Variants in OXNAD1 observed in about 807,000 individuals in gnomAD.
The protein encoded by OXNAD1 is oxidoreductase NAD-binding domain-containing protein 1.
In OXNAD1, 34 loss-of-function variants were observed where a neutral mutation model predicts 32.9. The ratio of observed to expected loss-of-function variants is 1.03; its 90% CI spans 0.79 to 1.38. The LOEUF (loss-of-function observed/expected upper bound fraction) is 1.38. OXNAD1 is among the 40% of genes most tolerant of loss of function. OXNAD1 has a pLI of 0.00. For missense variants in OXNAD1, 407 were observed against 379.4 expected (o/e 1.07, Z -0.60); for synonymous variants, 134 against 135.2 (o/e 0.99, Z 0.06).
chr3:16,329,482 C>T lies in OXNAD1; in HGVS notation c.*31-7630C>T, dbSNP rs921497962. On this transcript the variant is annotated intron_variant, in intron 9 of 9. Coordinates refer to the OXNAD1 transcript ENST00000435829. This position sits in a 1 kb window ranked among gnomAD's most constrained non-coding sequence, Gnocchi z 4.5. ...TGCCATTCTGGTCCCTTCCCTGAAGCCTCTATCAGGCCAGAGATGGCCCAG... is the reference window on the plus strand; with the variant it reads ...TGCCATTCTGGTCCCTTCCCTGAAGTCTCTATCAGGCCAGAGATGGCCCAG... Among the ~76,000 whole-genome samples, 2 of 152,152 alleles carry T rather than the reference C, an allele frequency of 1.3e-5. No homozygotes were observed. The highest frequency in any genetic ancestry group is 2.4e-5 in the African/African-American group (1 of 41,416).
chr3:16,313,667 G>A (rs1575189383), intron 9 of OXNAD1: 1 of 152,210 alleles, frequency 6.6e-6, no homozygotes, highest in Middle Eastern at 3.4e-3. Context: ...CACTTGAGGC[G>A]ATTGATGCTC....
At chr3:16,340,773 C>G (rs187303341), downstream of OXNAD1, among the ~76,000 whole-genome samples, 1 of 152,216 alleles carries the variant, frequency 6.6e-6, no homozygotes, top group East Asian at 1.9e-4. Context: ...TGAACAACAT[C>G]AAGAATTTTC....
Position 16,348,628 on chromosome 3 carries a change from G to T in OXNAD1, c.*31-548G>T, listed in dbSNP as rs1434291554. On this transcript the variant is annotated intron_variant, in intron 9 of 9. Transcript: ENST00000606098. This position sits in a 1 kb window ranked among gnomAD's most constrained non-coding sequence, Gnocchi z 6.3. The stretch of plus-strand genomic sequence containing the variant: ...TGTCTTCTTCCCGAGGCTCCTTGAT[G>T]TGTGGGGCCTCAGCAAATGCCCCTT... 6.6e-6 allele frequency among the ~76,000 whole-genome samples: 1 copy of T among 152,204 alleles called. No individual in the cohort carries two copies. Among genetic ancestry groups the T allele is most frequent in the African/African-American group, 2.4e-5 (1 of 41,460 alleles).
chr3:16,313,986 C>T (rs1159733530), intron 9 of OXNAD1, among the ~76,000 whole-genome samples: 1 of 152,160 alleles, frequency 6.6e-6, no homozygotes, highest in Non-Finnish European at 1.5e-5. Context: ...TGAGCCTCTG[C>T]AGGTGAAGTA....
At chr3:16,296,366 G>A (rs564606401) in intron 6 of OXNAD1, among the ~76,000 whole-genome samples, 14 of 152,220 alleles carry the variant, frequency 9.2e-5, no homozygotes, top group African/African-American at 3.4e-4. Context: ...TCATAGATTG[G>A]AAAACTCAAC....
chr3:16,288,365 G>A lies in OXNAD1; in HGVS notation c.290+1917G>A, dbSNP rs968936643. ...AGGGTTGCTGTTGGGCTTATCTTTG[G>A]GGTAAGAGATTGGGCCGTGATTCCA... On this transcript the variant is annotated intron_variant, in intron 5 of 8. Transcript: ENST00000285083. This position sits in a 1 kb window ranked among gnomAD's most constrained non-coding sequence, Gnocchi z 5.1. Among the ~76,000 whole-genome samples, 7 of 152,090 alleles carry A rather than the reference G, an allele frequency of 4.6e-5. No individual in the cohort carries two copies. The highest frequency in any genetic ancestry group is 3.3e-4 in the Admixed American group (5 of 15,268).
intron 9 of OXNAD1, among the ~76,000 whole-genome samples, chr3:16,343,617 G>A (rs1321117703): frequency 3.3e-5 from 5 of 152,194 alleles, no homozygotes; most frequent in Non-Finnish European, 7.3e-5. Flanking sequence ...AAGAAAACAG[G>A]GAGAAGTCCT....
At chr3:16,307,984 T>TCAGTTAGGGAAGTGGTAC (rs1456801740), downstream of OXNAD1, among the ~76,000 whole-genome samples, 2 of 152,138 alleles carry the variant, frequency 1.3e-5, no homozygotes, top group Non-Finnish European at 2.9e-5. Flanking sequence ...TCAGTGGGAC[T>TCAGTTAGGGAAGTGGTAC]CAGTTAGGGA....
intron 4 of OXNAD1, among the ~76,000 whole-genome samples, chr3:16,281,195 A>G (rs1229415860): frequency 6.6e-6 from 1 of 152,210 alleles, no homozygotes; most frequent in Non-Finnish European, 1.5e-5. Flanking sequence ...AGTATACAGC[A>G]TTTGTGTTAA....
exon 10 of OXNAD1, chr3:16,349,295 G>C (rs1400298848): frequency 6.6e-6 from 1 of 152,244 alleles, no homozygotes; most frequent in African/African-American, 2.4e-5. Context: ...AGGTGGACTT[G>C]TCACCCTAAG....
In OXNAD1 at chr3:16,277,781, A is replaced by G. The variant is rs2065455426; in HGVS notation, c.183+6059A>G. Among the ~76,000 whole-genome samples, 1 of 152,230 alleles carries G rather than the reference A, an allele frequency of 6.6e-6. No homozygotes were observed. Among genetic ancestry groups the G allele is most frequent in the Non-Finnish European group, 1.5e-5 (1 of 68,034 alleles). On this transcript the variant is annotated intron_variant, in intron 4 of 8. Coordinates refer to ENST00000285083, the MANE Select transcript of OXNAD1 (RefSeq NM_138381.5). The surrounding 1 kb of genome is among the most constrained non-coding windows in gnomAD (Gnocchi z 4.3). ...ACCATTTATGATGTTTATGCTTCTT[A>G]CTTGGGACTGTAACTGTAAGTAGTC...
downstream of OXNAD1, among the ~76,000 whole-genome samples, chr3:16,350,926 A>C (rs2072054214): frequency 6.6e-6 from 1 of 152,224 alleles, no homozygotes; most frequent in Admixed American, 6.5e-5. Flanking sequence ...TCTAGAAACC[A>C]TAGAAATTGA....
chr3:16,333,527 A>G (rs1259785807), intron 9 of OXNAD1, among the ~76,000 whole-genome samples: 3 of 152,214 alleles, frequency 2.0e-5, no homozygotes, highest in African/African-American at 4.8e-5. Flanking sequence ...TTCAGAAAAG[A>G]AATAGATGCC....
Position 16,303,466 on chromosome 3 carries a change from T to C in OXNAD1, c.843T>C (p.Tyr281=). 2.5e-6 allele frequency: 4 copies of C among 1,614,078 alleles called. No homozygotes were observed. Among genetic ancestry groups the C allele is most frequent in the Non-Finnish European group, 3.4e-6 (4 of 1,179,932 alleles). The change falls in exon 9 of 9, where the codon TAT becomes TAC. Residue 281 remains tyrosine (Y), a synonymous_variant. Transcript: ENST00000285083. This position sits in a 1 kb window ranked among gnomAD's most constrained non-coding sequence, Gnocchi z 4.8. ...ATATTTCAAAAGAGACTTTGTTCTA[T>C]ATTTGTGGCCCACCTCCAATGACAG... The part of the protein sequence containing the change: ...RDHISKETLF[Y]ICGPPPMTDF...
chr3:16,313,205 A>ATTTGTTTTTTTTTTTTT (rs2068093798), intron 9 of OXNAD1, among the ~76,000 whole-genome samples: 1 of 103,806 alleles, frequency 9.6e-6, no homozygotes, highest in African/African-American at 4.4e-5. Flanking sequence ...CACCCAGCGG[A>ATTTGTTTTTTTTTTTTT]TTTTTTTTTT....
At chr3:16,324,591 A>C (rs1294908511) in intron 9 of OXNAD1, among the ~76,000 whole-genome samples, 4 of 148,652 alleles carry the variant, frequency 2.7e-5, no homozygotes, top group Non-Finnish European at 5.9e-5. Flanking sequence ...TCATCCTTGT[A>C]ATAAATAACA....
Position 16,327,023 on chromosome 3 carries a change from T to C in OXNAD1, c.*31-10089T>C, listed in dbSNP as rs1245351206. 1.7e-6 allele frequency: 1 copy of C among 596,996 alleles called. No homozygotes were observed. Among genetic ancestry groups the C allele is most frequent in the East Asian group, 2.9e-5 (1 of 33,938 alleles). 37.0% of individuals were successfully genotyped at this position (596,996 alleles called of 1,614,324 possible). ...CAGAGGCTCCTGCTCCGATGCTTGC[T>C]GAAGACTTTAAAAGTTTGGAGTCAA... On this transcript the variant is annotated intron_variant, in intron 9 of 9. Transcript: ENST00000435829. The surrounding 1 kb of genome is among the most constrained non-coding windows in gnomAD (Gnocchi z 4.2).
intron 6 of OXNAD1, 144 bp downstream of exon 6, chr3:16,295,141 A>G (rs2066694521): frequency 1.9e-6 from 2 of 1,034,100 alleles, no homozygotes; most frequent in Non-Finnish European, 2.6e-6. Context: ...GAAAGGTCAA[A>G]GAAACTTTGA....
At position 16,329,431 on chromosome 3, in the gene OXNAD1, C is replaced by T. The variant is rs778274117; in HGVS notation, c.*31-7681C>T. ...AGGAGAGAGAGGTACAAGAATAATC[C>T]GTTTACAGGTGGGGCCAGGAGAGAA... On this transcript the variant is annotated intron_variant, in intron 9 of 9. Transcript: ENST00000435829. This position sits in a 1 kb window ranked among gnomAD's most constrained non-coding sequence, Gnocchi z 4.5. 1.3e-5 allele frequency among the ~76,000 whole-genome samples: 2 copies of T among 152,142 alleles called. No homozygotes were observed. Among genetic ancestry groups the T allele is most frequent in the Non-Finnish European group, 2.9e-5 (2 of 68,018 alleles).
Sources: allele counts gnomAD v4.1 joint callset (sites outside exome capture counted in the v4.1 genomes callset), GRCh38; gene constraint gnomAD v4.1.1; non-coding constraint Gnocchi (gnomAD v3.1); transcripts MANE v1.5; gene names NCBI Gene and HGNC (gene_info 2026-07-23, HGNC 2026-07-21).